Variants in ROBO2 observed in about 807,000 individuals in gnomAD.
ROBO2 encodes the protein roundabout homolog 2.
Under a neutral mutation model 160.8 loss-of-function variants are expected in ROBO2, and 53 were observed. The ratio of observed to expected loss-of-function variants is 0.33; its 90% confidence interval spans 0.26 to 0.41. The LOEUF is 0.41. Ranked by LOEUF, ROBO2 falls within the 10% of genes least tolerant of loss-of-function variation. The pLI is 1.00. For synonymous variants in ROBO2, 664 were observed against 611.7 expected (o/e 1.09, Z -1.26); for missense variants, 1,577 against 1,722.4 (o/e 0.92, Z 1.49).
At chr3:77,594,873 T>G (rs2094261908) in intron 17 of ROBO2, among the ~76,000 whole-genome samples, 1 of 152,208 alleles carries the variant, frequency 6.6e-6, no homozygotes, top group Non-Finnish European at 1.5e-5. Flanking sequence ...TGTAACAGGT[T>G]TGACATTTAA....
intron 2 of ROBO2, among the ~76,000 whole-genome samples, chr3:76,532,564 G>A (rs2108076797): frequency 6.6e-6 from 1 of 152,258 alleles, no homozygotes. Flanking sequence ...TGTACCATTT[G>A]ACCTTGCCAC....
intron 2 of ROBO2, among the ~76,000 whole-genome samples, chr3:76,288,862 G>A (rs879498914): frequency 6.6e-6 from 1 of 152,054 alleles, no homozygotes; most frequent in Non-Finnish European, 1.5e-5. Context: ...TTGTATATCT[G>A]TACCATATAA....
chr3:76,050,442 C>A (rs1030799989), intron 2 of ROBO2, among the ~76,000 whole-genome samples: 5 of 152,110 alleles, frequency 3.3e-5, no homozygotes, highest in African/African-American at 1.2e-4. Flanking sequence ...GGGTCCTCAG[C>A]TTGCAGATGG....
chr3:76,222,463 C>T lies in ROBO2; in HGVS notation c.109+284861C>T, dbSNP rs151305154. On this transcript the variant is annotated intron_variant, in intron 2 of 26. Transcript: ENST00000487694. ...TTGGCATAATTCCAGGGTCTTGTGT[C>T]ACTTCTCCCAACCCGCCCAACCCTT... Among the ~76,000 whole-genome samples, 426 of 152,222 alleles carry T rather than the reference C, an allele frequency of 2.8e-3. 2 individuals are homozygous for T. The highest frequency in any genetic ancestry group is 9.8e-3 in the African/African-American group (407 of 41,532).
At chr3:77,275,454 AC>A (rs2153362236) in intron 2 of ROBO2, among the ~76,000 whole-genome samples, 1 of 152,272 alleles carries the variant, frequency 6.6e-6, no homozygotes, top group Admixed American at 6.5e-5. Context: ...AACAACCATT[AC>A]TTTGTGGCTA....
chr3:76,614,938 G>A (rs1249973698), intron 2 of ROBO2, among the ~76,000 whole-genome samples: 1 of 152,022 alleles, frequency 6.6e-6, no homozygotes, highest in Non-Finnish European at 1.5e-5. Context: ...CTTCACTCCT[G>A]ATCACCAGAG....
intron 2 of ROBO2, among the ~76,000 whole-genome samples, chr3:77,184,340 G>A (rs1041754007): frequency 6.6e-5 from 10 of 152,034 alleles, no homozygotes; most frequent in African/African-American, 2.4e-4. Context: ...GTGAAGCACT[G>A]TGGGAGATAG....
At chr3:76,357,632 G>T (rs2075253701) in intron 2 of ROBO2, among the ~76,000 whole-genome samples, 1 of 151,860 alleles carries the variant, frequency 6.6e-6, no homozygotes, top group Admixed American at 6.6e-5. Flanking sequence ...ATCCAATCAA[G>T]ATTAATTGAC....
intron 2 of ROBO2, among the ~76,000 whole-genome samples, chr3:76,366,744 T>C (rs1439231214): frequency 1.3e-5 from 2 of 152,026 alleles, no homozygotes; most frequent in Non-Finnish European, 2.9e-5. Context: ...AAAAAGATTA[T>C]TCTATGTATG....
At chr3:77,118,578 C>T (rs2074429374) in intron 2 of ROBO2, among the ~76,000 whole-genome samples, 1 of 152,166 alleles carries the variant, frequency 6.6e-6, no homozygotes, top group African/African-American at 2.4e-5. Flanking sequence ...TCGCTTGATG[C>T]CCAAGTTTCC....
intron 2 of ROBO2, among the ~76,000 whole-genome samples, chr3:76,069,622 CTT>C (rs34954573): frequency 2.0e-5 from 3 of 151,068 alleles, no homozygotes; most frequent in Non-Finnish European, 4.4e-5. Context: ...AATACCTACA[CTT>C]TTTTTTTAAT....
chr3:76,142,483 A>G (rs1282338279), intron 2 of ROBO2, among the ~76,000 whole-genome samples: 1 of 152,088 alleles, frequency 6.6e-6, no homozygotes. Flanking sequence ...ATTCAGCCAC[A>G]AAAGAATGAG....
intron 2 of ROBO2, among the ~76,000 whole-genome samples, chr3:76,709,769 C>A (rs2093250634): frequency 6.6e-6 from 1 of 152,096 alleles, no homozygotes; most frequent in Non-Finnish European, 1.5e-5. Flanking sequence ...CAGATTATTT[C>A]TTTAAAATGA....
intron 2 of ROBO2, among the ~76,000 whole-genome samples, chr3:76,279,507 AAAT>A (rs1273481935): frequency 6.6e-6 from 1 of 151,978 alleles, no homozygotes; most frequent in Non-Finnish European, 1.5e-5. Flanking sequence ...TAGGTCTTAG[AAAT>A]AATCTTATAT....
chr3:76,415,149 T>C (rs1197858214), intron 2 of ROBO2, among the ~76,000 whole-genome samples: 1 of 152,188 alleles, frequency 6.6e-6, no homozygotes, highest in Non-Finnish European at 1.5e-5. Context: ...GTGTTTCTCA[T>C]GTATGGAATA....
At chr3:76,742,151 A>G (rs2093812774) in intron 2 of ROBO2, among the ~76,000 whole-genome samples, 1 of 152,160 alleles carries the variant, frequency 6.6e-6, no homozygotes, top group African/African-American at 2.4e-5. Flanking sequence ...TGATCAAACA[A>G]TTAATGCTAA....
At chr3:77,221,402 T>A (rs2085768388) in intron 2 of ROBO2, among the ~76,000 whole-genome samples, 1 of 152,218 alleles carries the variant, frequency 6.6e-6, no homozygotes, top group South Asian at 2.1e-4. Flanking sequence ...AAAAGAGGCT[T>A]TTGTTTTAAA....
chr3:75,924,275 C>T (rs927943356), intron 1 of ROBO2, among the ~76,000 whole-genome samples: 3 of 151,808 alleles, frequency 2.0e-5, no homozygotes, highest in Non-Finnish European at 4.4e-5. Flanking sequence ...CTAGGTGGGC[C>T]CACTGTAGTC....
intron 2 of ROBO2, among the ~76,000 whole-genome samples, chr3:76,958,518 C>G (rs1435870789): frequency 6.6e-6 from 1 of 152,248 alleles, no homozygotes; most frequent in East Asian, 1.9e-4. Flanking sequence ...AGTCTCCTAT[C>G]TCTAGCTTGT....
Sources: gnomAD v4.1 joint callset for allele counts (sites outside exome capture counted in the v4.1 genomes callset) on GRCh38, gnomAD v4.1.1 for gene constraint, MANE v1.5 for transcripts, NCBI Gene and HGNC (gene_info 2026-07-23, HGNC 2026-07-21) for gene names.